Variants in B3GALT1 observed in about 807,000 individuals in gnomAD.
B3GALT1 encodes UDP-Gal:betaGlcNAc beta 1,3-galactosyltransferase, polypeptide 1.
Under a neutral mutation model 23.2 loss-of-function variants are expected in B3GALT1, and 10 were observed. That is an observed-to-expected ratio of 0.43 (90% CI 0.27 to 0.73). The LOEUF (loss-of-function observed/expected upper bound fraction) is 0.73, where lower values mean the gene tolerates loss of function less well. B3GALT1 is among the 30% of genes least tolerant of loss of function. B3GALT1 has a pLI of 0.21. For synonymous variants in B3GALT1, 156 were observed against 141.5 expected (o/e 1.10, Z -0.73); for missense variants, 299 against 405.4 (o/e 0.74, Z 2.25).
intron 1 of B3GALT1, among the ~76,000 whole-genome samples, chr2:167,322,212 C>T (rs941178722): frequency 6.6e-6 from 1 of 151,452 alleles, no homozygotes; most frequent in Admixed American, 6.6e-5. Flanking sequence ...TGTTCTTCAA[C>T]ATGTTGTTAA....
chr2:167,440,242 G>C lies in B3GALT1; in HGVS notation c.-510-49935G>C, dbSNP rs538597623. Among the ~76,000 whole-genome samples the C allele has an allele frequency of 6.2e-3, 943 of 151,128 alleles. 9 individuals carry two copies. Among genetic ancestry groups the C allele is most frequent in the African/African-American group, 0.022 (905 of 41,162 alleles). Reference sequence around the variant, plus strand: ...CCTGTAGTCCCAGCTACTCAGGAGGGTGAGGCGGGAGAATGGTGTGAACCT... The same window carrying C: ...CCTGTAGTCCCAGCTACTCAGGAGGCTGAGGCGGGAGAATGGTGTGAACCT... On this transcript the variant is annotated intron_variant, in intron 1 of 4. Transcript: ENST00000392690.
At chr2:167,482,811 G>A (rs1189648279) in intron 1 of B3GALT1, among the ~76,000 whole-genome samples, 1 of 152,046 alleles carries the variant, frequency 6.6e-6, no homozygotes, top group Non-Finnish European at 1.5e-5. Flanking sequence ...CTGCACTCCA[G>A]CCTGGGCAAC....
At chr2:167,767,799 A>T (rs950267487) in intron 3 of B3GALT1, among the ~76,000 whole-genome samples, 5 of 152,182 alleles carry the variant, frequency 3.3e-5, no homozygotes, top group African/African-American at 1.2e-4. Flanking sequence ...TTTTCTACAG[A>T]ACGAATACAA....
intron 3 of B3GALT1, among the ~76,000 whole-genome samples, chr2:167,717,133 T>G (rs1441393200): frequency 6.6e-6 from 1 of 152,112 alleles, no homozygotes; most frequent in Non-Finnish European, 1.5e-5. Context: ...CTGTTTTGTC[T>G]TTCATTTTTT....
intron 1 of B3GALT1, among the ~76,000 whole-genome samples, chr2:167,341,091 T>C (rs1697139888): frequency 2.0e-5 from 3 of 152,164 alleles, no homozygotes; most frequent in African/African-American, 7.2e-5. Flanking sequence ...AATAGGATCA[T>C]AGAACTTGAA....
intron 3 of B3GALT1, among the ~76,000 whole-genome samples, chr2:167,806,017 G>C (rs886621691): frequency 2.6e-5 from 4 of 152,034 alleles, no homozygotes; most frequent in Non-Finnish European, 5.9e-5. Context: ...GCAGTGGTTT[G>C]TAGTTCTCCT....
At chr2:167,657,252 A>G (rs2105469347) in intron 3 of B3GALT1, among the ~76,000 whole-genome samples, 1 of 152,272 alleles carries the variant, frequency 6.6e-6, no homozygotes, top group African/African-American at 2.4e-5. Context: ...GAGCTGAAGA[A>G]TAAGATCTAG....
chr2:167,590,728 C>G (rs192223358), intron 2 of B3GALT1, among the ~76,000 whole-genome samples: 1 of 152,150 alleles, frequency 6.6e-6, no homozygotes, highest in African/African-American at 2.4e-5. Context: ...TCCCAAATGA[C>G]TCTTGATATT....
At chr2:167,731,245 A>C (rs1213396784) in intron 3 of B3GALT1, among the ~76,000 whole-genome samples, 1 of 152,218 alleles carries the variant, frequency 6.6e-6, no homozygotes, top group Admixed American at 6.5e-5. Context: ...GTGAACAAAA[A>C]TTGGCACCTA....
At chr2:167,602,861 C>T (rs2105425233) in intron 2 of B3GALT1, among the ~76,000 whole-genome samples, 1 of 152,106 alleles carries the variant, frequency 6.6e-6, no homozygotes, top group Non-Finnish European at 1.5e-5. Context: ...GTAGGCTGGT[C>T]CCAAATGACA....
intron 1 of B3GALT1, among the ~76,000 whole-genome samples, chr2:167,389,916 A>C (rs1456520791): frequency 5.3e-5 from 7 of 133,224 alleles, no homozygotes; most frequent in Non-Finnish European, 7.7e-5. Flanking sequence ...GTCCAAAAAA[A>C]AAAAAAAACA....
chr2:167,507,273 G>A (rs561109953), intron 2 of B3GALT1, among the ~76,000 whole-genome samples: 5 of 151,984 alleles, frequency 3.3e-5, no homozygotes, highest in South Asian at 2.1e-4. Context: ...TTGGGAGGCC[G>A]AGGCAGGTGG....
chr2:167,561,399 G>C (rs1683985318), intron 2 of B3GALT1, among the ~76,000 whole-genome samples: 1 of 152,170 alleles, frequency 6.6e-6, no homozygotes, highest in Non-Finnish European at 1.5e-5. Context: ...AAAAGAGCTA[G>C]AAAAGCAAGA....
At chr2:167,487,517 G>A (rs1366376787) in intron 1 of B3GALT1, among the ~76,000 whole-genome samples, 1 of 151,770 alleles carries the variant, frequency 6.6e-6, no homozygotes, top group Non-Finnish European at 1.5e-5. Flanking sequence ...TCTTTATATG[G>A]TTCATATTTT....
At chr2:167,369,707 G>A (rs751217716) in intron 1 of B3GALT1, among the ~76,000 whole-genome samples, 11 of 152,144 alleles carry the variant, frequency 7.2e-5, no homozygotes, top group Non-Finnish European at 1.5e-4. Flanking sequence ...GAACAAGATG[G>A]CTTTTAGTTT....
chr2:167,834,299 T>G (rs901003440), intron 4 of B3GALT1, among the ~76,000 whole-genome samples: 2 of 152,126 alleles, frequency 1.3e-5, no homozygotes, highest in Non-Finnish European at 2.9e-5. Context: ...AAGTTAATAA[T>G]AAATAGCACC....
Position 167,716,126 on chromosome 2 carries a change from C to T in B3GALT1, c.-352+69160C>T, listed in dbSNP as rs1466909021. The stretch of plus-strand genomic sequence containing the variant: ...ACTGGCCACAACAAGCGGTGGAGAA[C>T]ACGCAGCCTTGGGTCTGGAACCCGA... On this transcript the variant is annotated intron_variant, in intron 3 of 4. Transcript: ENST00000392690. 13 of 1,456,378 alleles carry T rather than the reference C, an allele frequency of 8.9e-6. No homozygotes were observed. In the Admixed American group the frequency reaches 2.4e-4, roughly 26 times the overall value. 90.2% of individuals were successfully genotyped at this position (1,456,378 alleles called of 1,614,324 possible). A position where few individuals can be genotyped will look rare whatever the true frequency, so the allele number is the denominator to read the frequency against.
At chr2:167,327,851 T>G (rs946107130) in intron 1 of B3GALT1, among the ~76,000 whole-genome samples, 1 of 152,216 alleles carries the variant, frequency 6.6e-6, no homozygotes, top group Non-Finnish European at 1.5e-5. Context: ...TGTTGTTAGC[T>G]GTGGGTTTGT....
In B3GALT1 at chr2:167,869,882, G is replaced by T. The variant is rs1390849193; in HGVS notation, c.843G>T (p.Gln281His). Residue 281 changes from glutamine to histidine, a missense_variant, in exon 5 of 5, where the codon CAG (glutamine) becomes CAT (histidine). Transcript: ENST00000392690. The surrounding 1 kb of genome is among the most constrained non-coding windows in gnomAD (Gnocchi z 6.4). The part of the protein sequence containing the change: ...CLRKLGIHPF[Q>H]NSGFNHWKMA... ...GAAAGCTGGGCATACATCCTTTCCA[G>T]AACAGTGGCTTCAATCACTGGAAAA... 4.3e-6 allele frequency: 7 copies of T among 1,614,174 alleles called. No individual in the cohort carries two copies. Among genetic ancestry groups the T allele is most frequent in the Non-Finnish European group, 5.9e-6 (7 of 1,180,036 alleles).
Sources: allele counts gnomAD v4.1 joint callset (sites outside exome capture counted in the v4.1 genomes callset), GRCh38; gene constraint gnomAD v4.1.1; non-coding constraint Gnocchi (gnomAD v3.1); transcripts MANE v1.5; gene names NCBI Gene and HGNC (gene_info 2026-07-23, HGNC 2026-07-21).